The following NRXN3 variants were observed in gnomAD, a reference collection of about 807,000 sequenced individuals.
NRXN3 encodes neurexin III.
NRXN3 carries 32 observed loss-of-function variants against 137.6 expected under a neutral mutation model. That is an observed-to-expected ratio of 0.23 (90% CI 0.18 to 0.31). The LOEUF (loss-of-function observed/expected upper bound fraction) is 0.31, where lower values mean the gene tolerates loss of function less well. NRXN3 is among the 10% of genes least tolerant of loss of function. The pLI, the probability that NRXN3 is intolerant of heterozygous loss-of-function variation, is 1.00. For synonymous variants in NRXN3, 798 were observed against 784.5 expected (o/e 1.02, Z -0.29); for missense variants, 1,574 against 2,062.5 (o/e 0.76, Z 4.59).
intron 15 of NRXN3, among the ~76,000 whole-genome samples, chr14:79,463,212 G>GA (rs2096375800): frequency 6.6e-6 from 1 of 152,128 alleles, no homozygotes; most frequent in South Asian, 2.1e-4. Flanking sequence ...ATGTGGATGA[G>GA]AAAAAATTAT....
At chr14:78,736,315 G>A (rs1288097435) in intron 8 of NRXN3, among the ~76,000 whole-genome samples, 1 of 152,164 alleles carries the variant, frequency 6.6e-6, no homozygotes, top group East Asian at 1.9e-4. Context: ...TTGGTGGCAG[G>A]CAGAATTGGT....
At chr14:79,791,870 C>T (rs995364644) in intron 19 of NRXN3, among the ~76,000 whole-genome samples, 2 of 152,204 alleles carry the variant, frequency 1.3e-5, no homozygotes, top group African/African-American at 2.4e-5. Context: ...TTAGGCCGGT[C>T]ACATTGCCAG....
chr14:79,406,792 C>T (rs1219920427), intron 15 of NRXN3, among the ~76,000 whole-genome samples: 1 of 152,026 alleles, frequency 6.6e-6, no homozygotes, highest in African/African-American at 2.4e-5. Context: ...AGTCAGCATG[C>T]GTCGTGAATA....
intron 4 of NRXN3, among the ~76,000 whole-genome samples, chr14:78,573,642 G>A (rs1414002690): frequency 6.6e-6 from 1 of 152,208 alleles, no homozygotes; most frequent in Non-Finnish European, 1.5e-5. Flanking sequence ...CATTCAAGAG[G>A]TGACTTGGGT....
At chr14:78,321,070 C>T (rs541314666) in intron 4 of NRXN3, among the ~76,000 whole-genome samples, 3 of 151,410 alleles carry the variant, frequency 2.0e-5, no homozygotes, top group South Asian at 2.1e-4. Flanking sequence ...GAGCCGAGAT[C>T]GCACCACTGC....
chr14:79,550,793 C>T (rs2097365888), intron 16 of NRXN3, among the ~76,000 whole-genome samples: 1 of 152,156 alleles, frequency 6.6e-6, no homozygotes, highest in South Asian at 2.1e-4. Context: ...ACTTCTTTGT[C>T]CACAGTTTCC....
chr14:78,746,367 CT>C (rs2098607237), intron 8 of NRXN3, among the ~76,000 whole-genome samples: 1 of 152,150 alleles, frequency 6.6e-6, no homozygotes. Flanking sequence ...GACCTTTATG[CT>C]TTTTCACAAA....
intron 19 of NRXN3, among the ~76,000 whole-genome samples, chr14:79,742,355 A>G (rs936112202): frequency 6.6e-6 from 1 of 152,174 alleles, no homozygotes; most frequent in Non-Finnish European, 1.5e-5. Flanking sequence ...CATTTGCTGC[A>G]TAATTTACCA....
intron 10 of NRXN3, among the ~76,000 whole-genome samples, chr14:78,909,483 T>C (rs1357796216): frequency 6.6e-6 from 1 of 152,174 alleles, no homozygotes; most frequent in African/African-American, 2.4e-5. Flanking sequence ...TAGCAAGATC[T>C]TTTTCATTAT....
At chr14:79,373,852 C>G (rs745676359) in intron 15 of NRXN3, among the ~76,000 whole-genome samples, 1 of 152,044 alleles carries the variant, frequency 6.6e-6, no homozygotes, top group African/African-American at 2.4e-5. Context: ...AGCTTACTAT[C>G]TATGGTTTTT....
intron 4 of NRXN3, among the ~76,000 whole-genome samples, chr14:78,615,510 C>T (rs1423339257): frequency 6.6e-6 from 1 of 151,462 alleles, no homozygotes; most frequent in African/African-American, 2.4e-5. Flanking sequence ...ACTTGGGAGG[C>T]TGAGGCAGGA....
intron 15 of NRXN3, among the ~76,000 whole-genome samples, chr14:79,330,211 T>G (rs1432760377): frequency 1.3e-5 from 2 of 152,054 alleles, no homozygotes; most frequent in African/African-American, 4.8e-5. Context: ...AATAGACAGA[T>G]GAACAAGGGA....
At chr14:79,571,358 G>A (rs1049602197) in intron 16 of NRXN3, among the ~76,000 whole-genome samples, 46 of 152,114 alleles carry the variant, frequency 3.0e-4, no homozygotes, top group African/African-American at 1.1e-3. Context: ...CTGAAAGATA[G>A]GGTCACTTAA....
intron 16 of NRXN3, among the ~76,000 whole-genome samples, chr14:79,525,999 C>T (rs918320624): frequency 5.3e-5 from 8 of 152,070 alleles, no homozygotes; most frequent in Admixed American, 2.6e-4. Flanking sequence ...CTCTCAACTC[C>T]GCCTCCAGAG....
intron 4 of NRXN3, among the ~76,000 whole-genome samples, chr14:78,502,683 A>C (rs563905694): frequency 6.6e-6 from 1 of 152,264 alleles, no homozygotes; most frequent in African/African-American, 2.4e-5. Flanking sequence ...ATTTTACCTT[A>C]GCTACTTTGA....
At chr14:78,381,067 A>C (rs1014759777) in intron 4 of NRXN3, among the ~76,000 whole-genome samples, 4 of 152,210 alleles carry the variant, frequency 2.6e-5, no homozygotes, top group African/African-American at 9.6e-5. Flanking sequence ...AGCTTTTTCA[A>C]CAGATGATGC....
At chr14:79,486,913 TTCTCTCTCTCTCTCTCTC>T (rs58861355) in intron 16 of NRXN3, among the ~76,000 whole-genome samples, 2,807 of 128,346 alleles carry the variant, frequency 0.022, 56 homozygotes, top group African/African-American at 0.05. Context: ...TCTTTACAGG[TTCTCTCTCTCTCTCTCTC>T]TCTCTCTCTC....
rs1555397490 is a variant in NRXN3 at position 79,358,607 on chromosome 14, G to GAGAAAGAAAGAAGGAA, written c.3263-108602_3263-108601insGGAAAGAAAGAAAGAA. On this transcript the variant is annotated intron_variant, in intron 15 of 20. Transcript: ENST00000335750. ...AGAGAGAAAGAAAGAAAGAAAGAAAGAGAAAGAAAGAAAGAAAGAAAGAAA... is the reference window on the plus strand; with the variant it reads ...AGAGAGAAAGAAAGAAAGAAAGAAAGAGAAAGAAAGAAGGAAAGAAAGAAAGAAAGAAAGAAAGAAA... 1.0e-3 allele frequency among the ~76,000 whole-genome samples: 81 copies of GAGAAAGAAAGAAGGAA among 79,984 alleles called. 1 individual carries two copies. The highest frequency in any genetic ancestry group is 3.1e-3 in the African/African-American group (75 of 24,020). The allele number at this position is 79,984 out of a possible 152,430, so 52.5% of individuals were successfully genotyped here.
intron 6 of NRXN3, among the ~76,000 whole-genome samples, chr14:78,658,898 T>C (rs753282734): frequency 2.4e-4 from 37 of 152,146 alleles, no homozygotes; most frequent in East Asian, 3.9e-4. Context: ...GAAGTGAAGA[T>C]GCAAATCAGA....
Sources: allele counts gnomAD v4.1 joint callset (sites outside exome capture counted in the v4.1 genomes callset), GRCh38; gene constraint gnomAD v4.1.1; transcripts MANE v1.5; gene names NCBI Gene and HGNC (gene_info 2026-07-23, HGNC 2026-07-21).